FBLN7: variants seen among roughly 807,000 people sequenced by gnomAD.
FBLN7 encodes fibulin-7.
In FBLN7, 31 loss-of-function variants were observed where a neutral mutation model predicts 44.0. The ratio of observed to expected loss-of-function variants is 0.70; its 90% CI spans 0.53 to 0.95. The LOEUF is 0.95. FBLN7 is among the 40% of genes least tolerant of loss of function. The probability of loss-of-function intolerance (pLI) is 0.00; values close to 1 mark genes in which losing one functional copy is unlikely to be tolerated. For synonymous variants in FBLN7, 262 were observed against 253.4 expected (o/e 1.03, Z -0.32); for missense variants, 573 against 618.5 (o/e 0.93, Z 0.78).
intron 6 of FBLN7, 25 bp downstream of exon 6, chr2:112,182,953 C>T: frequency 1.2e-6 from 2 of 1,608,328 alleles, no homozygotes; most frequent in Non-Finnish European, 1.7e-6. Context: ...AGAGTGTCGT[C>T]TGCACCCAGC....
intron 3 of FBLN7, among the ~76,000 whole-genome samples, chr2:112,170,115 G>A (rs1204428439): frequency 4.6e-5 from 7 of 152,014 alleles, no homozygotes; most frequent in East Asian, 3.9e-4. Flanking sequence ...GGTGGCAGGC[G>A]CCTGTAATCT....
the FBLN7 span, among the ~76,000 whole-genome samples, chr2:112,226,545 T>C: frequency 8.1e-6 from 1 of 122,954 alleles, no homozygotes; most frequent in Non-Finnish European, 1.6e-5. Context: ...GCCAAGATTG[T>C]GCCACTGCAC....
chr2:112,184,797 AC>A (rs1029858894), intron 6 of FBLN7, among the ~76,000 whole-genome samples: 2 of 126,416 alleles, frequency 1.6e-5, no homozygotes, highest in African/African-American at 5.5e-5. Context: ...GTATATATAT[AC>A]CATATATACA....
the FBLN7 span, among the ~76,000 whole-genome samples, chr2:112,194,192 C>T: frequency 1.3e-5 from 2 of 152,146 alleles, no homozygotes; most frequent in African/African-American, 4.8e-5. Context: ...TACCCTTGGG[C>T]TCTCCATGTG....
intron 2 of FBLN7, among the ~76,000 whole-genome samples, chr2:112,160,875 G>T (rs1230939106): frequency 2.7e-5 from 4 of 148,522 alleles, no homozygotes; most frequent in African/African-American, 9.9e-5. Context: ...CACTCAGCCC[G>T]AGCCAGTGCA....
At chr2:112,167,179 G>A (rs1280557995) in intron 3 of FBLN7, among the ~76,000 whole-genome samples, 1 of 152,138 alleles carries the variant, frequency 6.6e-6, no homozygotes, top group African/African-American at 2.4e-5. Context: ...TGTCCTCAAT[G>A]GCGACATACT....
the FBLN7 span, among the ~76,000 whole-genome samples, chr2:112,201,609 G>A: frequency 6.6e-6 from 1 of 152,178 alleles, no homozygotes; most frequent in Non-Finnish European, 1.5e-5. Flanking sequence ...AGAGTGGCAG[G>A]AGCCAGGGGA....
At position 112,181,790 on chromosome 2, in the gene FBLN7, G is replaced by C; in HGVS notation, c.584G>C (p.Arg195Pro). Residue 195 changes from arginine to proline, a missense_variant, in exon 5 of 8, where the codon CGC becomes CCC. Coordinates refer to ENST00000331203, the MANE Select transcript of FBLN7 (RefSeq NM_153214.3). ...GACTCCGCCTTCAGCCGCGCGCCGC[G>C]CTGTGCGCAGGTGGAGCGGGCTCAG... The part of the protein sequence containing the change: ...AGDSAFSRAP[R>P]CAQVERAQHC... 4 of 1,461,484 alleles carry C rather than the reference G, an allele frequency of 2.7e-6. No homozygotes were observed. Among genetic ancestry groups the C allele is most frequent in the Non-Finnish European group, 3.6e-6 (4 of 1,112,742 alleles). 90.5% of individuals were successfully genotyped at this position (1,461,484 alleles called of 1,614,324 possible).
chr2:112,138,774 C>A, intron 1 of FBLN7, 44 bp downstream of exon 1: 1 of 1,507,202 alleles, frequency 6.6e-7, no homozygotes, highest in Non-Finnish European at 8.9e-7. Flanking sequence ...GTCCCTCCCG[C>A]CTCTCTCCAG....
the FBLN7 span, among the ~76,000 whole-genome samples, chr2:112,197,300 G>C: frequency 3.5e-3 from 516 of 148,798 alleles, no homozygotes; most frequent in African/African-American, 0.012. Flanking sequence ...GAGAGAGAGA[G>C]AGAGAGACAG....
the FBLN7 span, chr2:112,230,969 CACAT>C: frequency 3.1e-5 from 37 of 1,208,626 alleles, no homozygotes; most frequent in Non-Finnish European, 3.7e-5. Flanking sequence ...AAAAAAAAAT[CACAT>C]AATCATTTTT....
chr2:112,234,047 A>G, the FBLN7 span: 1 of 852,472 alleles, frequency 1.2e-6, no homozygotes, highest in Non-Finnish European at 1.7e-6. Flanking sequence ...ACCTAAAGGT[A>G]TGAATTAAAA....
Position 112,165,003 on chromosome 2 carries a change from T to C in FBLN7, c.238T>C (p.Ser80Pro). Residue 80 changes from serine to proline, a missense_variant and splice_region_variant, in exon 3 of 8, where the codon TCC becomes CCC. Coordinates refer to ENST00000331203, the MANE Select transcript of FBLN7 (RefSeq NM_153214.3). ...AATCCTTCCATCTCTCCTTACAGTT[T>C]CCTGCCCGGCTCTGAACACCCCCGC... ...GRVGPDALPV[S>P]CPALNTPADG... 6.2e-7 allele frequency: 1 copy of C among 1,613,610 alleles called. No homozygotes were observed. The highest frequency in any genetic ancestry group is 8.5e-7 in the Non-Finnish European group (1 of 1,179,882).
chr2:112,164,660 CA>C (rs1168265241), intron 2 of FBLN7, among the ~76,000 whole-genome samples: 1 of 152,212 alleles, frequency 6.6e-6, no homozygotes, highest in Non-Finnish European at 1.5e-5. Context: ...TAAAGAAACC[CA>C]GGGGGGCTGG....
At chr2:112,216,021 T>C in the FBLN7 span, 1 of 152,326 alleles carries the variant, frequency 6.6e-6, no homozygotes, top group African/African-American at 2.4e-5. Flanking sequence ...AAATATGTTG[T>C]AAAACTATTT....
chr2:112,183,208 C>T (rs1288210919), intron 6 of FBLN7, among the ~76,000 whole-genome samples: 5 of 152,092 alleles, frequency 3.3e-5, no homozygotes, highest in African/African-American at 1.2e-4. Context: ...TCAATTCTAC[C>T]CACTCAACAA....
the FBLN7 span, among the ~76,000 whole-genome samples, chr2:112,239,361 T>A: frequency 6.6e-6 from 1 of 152,184 alleles, no homozygotes; most frequent in African/African-American, 2.4e-5. Flanking sequence ...TTTTAAAAAA[T>A]GACCAAGTAT....
At chr2:112,236,771 G>C in the FBLN7 span, 2 of 1,301,860 alleles carry the variant, frequency 1.5e-6, no homozygotes, top group Non-Finnish European at 2.1e-6. Flanking sequence ...ACGGGGCCAG[G>C]TGCAGTGGCT....
chr2:112,173,139 T>A (rs1340407621), intron 3 of FBLN7, among the ~76,000 whole-genome samples: 1 of 152,184 alleles, frequency 6.6e-6, no homozygotes, highest in Non-Finnish European at 1.5e-5. Flanking sequence ...TGAGAAAGTG[T>A]GAGGCCCTGT....
Sources: allele counts gnomAD v4.1 joint callset (sites outside exome capture counted in the v4.1 genomes callset), GRCh38; gene constraint gnomAD v4.1.1; transcripts MANE v1.5; gene names NCBI Gene and HGNC (gene_info 2026-07-23, HGNC 2026-07-21).